The following STPG2 variants were observed in gnomAD, a reference collection of about 807,000 sequenced individuals.
STPG2 encodes sperm-tail PG-rich repeat-containing protein 2.
STPG2 carries 56 observed loss-of-function variants against 54.2 expected under a neutral mutation model. The observed-to-expected ratio is 1.03, with a 90% CI of 0.83 to 1.29. The LOEUF (loss-of-function observed/expected upper bound fraction) is 1.29, where lower values mean the gene tolerates loss of function less well. Ranked by LOEUF, STPG2 falls within the 50% of genes most tolerant of loss-of-function variation. STPG2 has a pLI of 0.00. For missense variants in STPG2, 596 were observed against 544.9 expected (o/e 1.09, Z -0.93); for synonymous variants, 200 against 181.8 (o/e 1.10, Z -0.81).
intron 9 of STPG2, among the ~76,000 whole-genome samples, chr4:97,791,895 A>G (rs1441816796): frequency 6.6e-6 from 1 of 152,138 alleles, no homozygotes; most frequent in Non-Finnish European, 1.5e-5. Flanking sequence ...AACATTTCCC[A>G]AATGATTATA....
chr4:97,710,136 C>T (rs1488359231), intron 10 of STPG2, among the ~76,000 whole-genome samples: 2 of 151,778 alleles, frequency 1.3e-5, no homozygotes, highest in Non-Finnish European at 2.9e-5. Flanking sequence ...TATGAGTATA[C>T]ACACATTTTC....
intron 8 of STPG2, among the ~76,000 whole-genome samples, chr4:97,851,655 T>C (rs908439073): frequency 6.6e-6 from 1 of 152,174 alleles, no homozygotes; most frequent in Non-Finnish European, 1.5e-5. Context: ...TAGAAATATG[T>C]CCATTAAAAC....
intron 4 of STPG2, among the ~76,000 whole-genome samples, chr4:97,537,365 C>T (rs1021166913): frequency 2.0e-5 from 3 of 152,196 alleles, no homozygotes; most frequent in Non-Finnish European, 4.4e-5. Context: ...ACATTTCCAA[C>T]AGTCTTAGCA....
intron 9 of STPG2, among the ~76,000 whole-genome samples, chr4:97,833,056 A>T (rs1252173902): frequency 6.6e-6 from 1 of 152,190 alleles, no homozygotes; most frequent in Admixed American, 6.5e-5. Flanking sequence ...TGCCAAGACA[A>T]TCCTAAGCAA....
chr4:97,591,911 A>T (rs914289529), intron 10 of STPG2, among the ~76,000 whole-genome samples: 6 of 152,186 alleles, frequency 3.9e-5, no homozygotes, highest in Non-Finnish European at 5.9e-5. Flanking sequence ...CTTTTTATGA[A>T]TTCCCTGTAC....
At chr4:97,506,082 G>A (rs1026850356) in intron 4 of STPG2, among the ~76,000 whole-genome samples, 3 of 145,564 alleles carry the variant, frequency 2.1e-5, no homozygotes, top group Non-Finnish European at 4.5e-5. Context: ...TGGAAATGTA[G>A]GAGTGAGTGT....
chr4:97,639,400 C>G (rs964310924), intron 10 of STPG2, among the ~76,000 whole-genome samples: 1 of 151,408 alleles, frequency 6.6e-6, no homozygotes, highest in African/African-American at 2.4e-5. Context: ...TGCTAGGTGA[C>G]GAGTTAGTGG....
intron 5 of STPG2, among the ~76,000 whole-genome samples, chr4:98,040,097 T>A (rs997390997): frequency 6.6e-6 from 1 of 151,984 alleles, no homozygotes; most frequent in Non-Finnish European, 1.5e-5. Context: ...TTTTTTCATA[T>A]CTTTGTTGGC....
intron 8 of STPG2, among the ~76,000 whole-genome samples, chr4:97,854,903 A>G (rs535421941): frequency 2.6e-5 from 4 of 151,942 alleles, no homozygotes; most frequent in African/African-American, 4.8e-5. Context: ...CCCTCCCCCA[A>G]CGTCTTGCCT....
intron 10 of STPG2, among the ~76,000 whole-genome samples, chr4:97,577,112 A>G (rs1015192852): frequency 6.6e-6 from 1 of 152,218 alleles, no homozygotes; most frequent in African/African-American, 2.4e-5. Flanking sequence ...AACGCTGAGG[A>G]GAAAAGGGAA....
intron 5 of STPG2, among the ~76,000 whole-genome samples, chr4:98,021,184 C>T (rs1413238257): frequency 7.3e-6 from 1 of 136,312 alleles, no homozygotes; most frequent in Admixed American, 7.1e-5. Context: ...CTACACACTG[C>T]TTTGAATGTG....
At chr4:98,100,058 A>G (rs1423739000) in intron 5 of STPG2, among the ~76,000 whole-genome samples, 1 of 152,164 alleles carries the variant, frequency 6.6e-6, no homozygotes, top group Non-Finnish European at 1.5e-5. Context: ...TAAAAACATA[A>G]AAAATGATGA....
At chr4:97,995,222 C>G (rs1275267760) in intron 5 of STPG2, among the ~76,000 whole-genome samples, 3 of 139,912 alleles carry the variant, frequency 2.1e-5, no homozygotes, top group South Asian at 2.4e-4. Context: ...AGCCAGTGAA[C>G]AGGGATGAGA....
chr4:97,712,897 T>A, intron 9 of STPG2, 83 bp from the exon 10 acceptor site: 1 of 830,214 alleles, frequency 1.2e-6, no homozygotes, highest in South Asian at 2.8e-5. Context: ...AGGTTTGTGC[T>A]CTTAATGTAT....
chr4:97,524,051 G>T (rs1165004397), intron 4 of STPG2, among the ~76,000 whole-genome samples: 1 of 151,584 alleles, frequency 6.6e-6, no homozygotes, highest in African/African-American at 2.4e-5. Flanking sequence ...ATCCAACAAA[G>T]TTATAAAGTT....
chr4:97,617,874 G>T (rs763459883), intron 10 of STPG2, among the ~76,000 whole-genome samples: 25 of 152,234 alleles, frequency 1.6e-4, no homozygotes, highest in Middle Eastern at 3.4e-3. Context: ...ACATTATGAT[G>T]ATATACATCA....
intron 10 of STPG2, among the ~76,000 whole-genome samples, chr4:97,616,813 C>T (rs1167048764): frequency 1.3e-5 from 2 of 151,774 alleles, no homozygotes; most frequent in African/African-American, 4.8e-5. Flanking sequence ...AAAATTTAAC[C>T]AATGTATGCC....
intron 8 of STPG2, among the ~76,000 whole-genome samples, chr4:97,920,700 A>C (rs1732067608): frequency 6.6e-6 from 1 of 152,186 alleles, no homozygotes; most frequent in African/African-American, 2.4e-5. Flanking sequence ...CCTGGCTGAG[A>C]GTAAAGGAAA....
intron 10 of STPG2, among the ~76,000 whole-genome samples, chr4:97,602,120 A>C (rs1733478230): frequency 6.6e-6 from 1 of 151,778 alleles, no homozygotes; most frequent in Admixed American, 6.6e-5. Flanking sequence ...ATCTCTCATA[A>C]ATTTTATTAT....
Sources: allele counts gnomAD v4.1 joint callset (sites outside exome capture counted in the v4.1 genomes callset), GRCh38; gene constraint gnomAD v4.1.1; transcripts MANE v1.5; gene names NCBI Gene and HGNC (gene_info 2026-07-23, HGNC 2026-07-21).